PTPRO: variants seen among roughly 807,000 people sequenced by gnomAD.
PTPRO encodes the protein receptor-type tyrosine-protein phosphatase O.
A neutral mutation model predicts 145.2 loss-of-function variants in PTPRO; 62 were observed. The observed-to-expected ratio is 0.43, with a 90% CI of 0.35 to 0.53. The LOEUF is 0.53. PTPRO is among the 20% of genes least tolerant of loss of function. PTPRO has a pLI of 0.01. For missense variants in PTPRO, 1,345 were observed against 1,482.7 expected, an observed-to-expected ratio of 0.91 and a Z score of 1.53; for synonymous variants, 565 against 514.7, an observed-to-expected ratio of 1.10 and a Z score of -1.32.
At chr12:15,578,673 T>C (rs888197548) in intron 19 of PTPRO, among the ~76,000 whole-genome samples, 180 bp from the exon 20 acceptor site, 3 of 152,176 alleles carry the variant, frequency 2.0e-5, no homozygotes, top group African/African-American at 7.2e-5. Flanking sequence ...GTGGACTTGA[T>C]TTCTATCTAA....
Position 15,509,686 on chromosome 12 carries a change from CAAAAAAAAAGAA to C in PTPRO, c.1464+929_1464+940del, listed in dbSNP as rs1489652231. Among the ~76,000 whole-genome samples, 10 of 131,010 alleles carry C rather than the reference CAAAAAAAAAGAA, an allele frequency of 7.6e-5. No individual in the cohort carries two copies. In the South Asian group the frequency reaches 1.3e-3, roughly 17 times the overall value. 85.9% of individuals were successfully genotyped at this position (131,010 alleles called of 152,430 possible). A position where few individuals can be genotyped will look rare whatever the true frequency, so the allele number is the denominator to read the frequency against. On this transcript the variant is annotated intron_variant, in intron 7 of 26. Coordinates refer to ENST00000281171, the MANE Select transcript of PTPRO (RefSeq NM_030667.3). ...TGGGCAACAGAGTGAGACTCCGTCT[CAAAAAAAAAGAA>C]AAAAAAAAAAGAATATAAAGTAAAA...
intron 1 of PTPRO, among the ~76,000 whole-genome samples, chr12:15,428,026 G>A (rs1412093579): frequency 6.6e-6 from 1 of 152,082 alleles, no homozygotes; most frequent in Non-Finnish European, 1.5e-5. Context: ...ATGAAAGGCT[G>A]GTTTTGCAGC....
Position 15,521,166 on chromosome 12 carries a change from GAATAATTTTGGCA to G in PTPRO, c.1891+859_1891+871del, listed in dbSNP as rs1826823526. ...CAGAGGAGAAAAATACCGCTTAGAG[GAATAATTTTGGCA>G]AATAGTTTCCTCAGTAGACATCTAG... On this transcript the variant is annotated intron_variant, in intron 10 of 26. Transcript: ENST00000281171. 4.0e-5 allele frequency among the ~76,000 whole-genome samples: 6 copies of G among 151,782 alleles called. No individual in the cohort carries two copies. The South Asian group carries it at 1.2e-3, about 32-fold the overall frequency.
chr12:15,492,216 A>G (rs1020519439), intron 2 of PTPRO, among the ~76,000 whole-genome samples: 1 of 152,194 alleles, frequency 6.6e-6, no homozygotes, highest in Non-Finnish European at 1.5e-5. Context: ...GGGAGATGAA[A>G]AAGCATCAAA....
At chr12:15,357,470 A>T (rs905260815) in intron 1 of PTPRO, among the ~76,000 whole-genome samples, 1 of 152,234 alleles carries the variant, frequency 6.6e-6, no homozygotes, top group African/African-American at 2.4e-5. Context: ...TGTGTAAAGG[A>T]AAGTGGAACA....
At chr12:15,527,483 A>G (rs1386798042) in intron 12 of PTPRO, among the ~76,000 whole-genome samples, 2 of 152,200 alleles carry the variant, frequency 1.3e-5, no homozygotes, top group Non-Finnish European at 1.5e-5. Context: ...AGATGGAACT[A>G]CCATTCCCAG....
chr12:15,343,917 C>T (rs1296205679), intron 1 of PTPRO, among the ~76,000 whole-genome samples: 1 of 152,128 alleles, frequency 6.6e-6, no homozygotes, highest in African/African-American at 2.4e-5. Flanking sequence ...ATCTCCTGAC[C>T]TCGTGATCCG....
intron 1 of PTPRO, among the ~76,000 whole-genome samples, chr12:15,361,049 A>G (rs1331939384): frequency 6.6e-6 from 1 of 151,484 alleles, no homozygotes; most frequent in Non-Finnish European, 1.5e-5. Flanking sequence ...ATATACAAAT[A>G]TAAGAGAAAA....
Position 15,322,771 on chromosome 12 carries a change from G to C in PTPRO, c.45G>C (p.Leu15=), listed in dbSNP as rs1455747948. 9.9e-6 allele frequency: 16 copies of C among 1,612,948 alleles called. No individual in the cohort carries two copies. Among genetic ancestry groups the C allele is most frequent in the Non-Finnish European group, 1.4e-5 (16 of 1,179,576 alleles). The part of the protein sequence containing the change: ...PTGIHGARRL[L]PLLWLFVLFK... ...GGATACACGGCGCCCGCCGCCTCCT[G>C]CCTCTGCTCTGGCTCTTTGTGCTGT... Residue 15 remains leucine, a synonymous_variant, in exon 1 of 27, where the codon CTG becomes CTC. Coordinates refer to ENST00000281171, the MANE Select transcript of PTPRO (RefSeq NM_030667.3). The surrounding 1 kb of genome is among the most constrained non-coding windows in gnomAD (Gnocchi z 6.3).
chr12:15,416,624 C>A (rs1227164400), intron 1 of PTPRO, among the ~76,000 whole-genome samples: 3 of 151,450 alleles, frequency 2.0e-5, no homozygotes, highest in African/African-American at 7.3e-5. Flanking sequence ...CAGCCGGTTC[C>A]TCTCTCTTAA....
chr12:15,552,723 G>A (rs1234737438), intron 15 of PTPRO, among the ~76,000 whole-genome samples: 1 of 150,914 alleles, frequency 6.6e-6, no homozygotes, highest in Non-Finnish European at 1.5e-5. Flanking sequence ...ATCTTAAAAG[G>A]ATAAGAAGAG....
intron 24 of PTPRO, chr12:15,587,261 C>T (rs1944449301): frequency 1.7e-6 from 1 of 593,952 alleles, no homozygotes; most frequent in Non-Finnish European, 2.9e-6. Context: ...GTTATTATTC[C>T]AATTTTTAAA....
chr12:15,548,830 T>G (rs969443748), intron 13 of PTPRO, among the ~76,000 whole-genome samples: 7 of 152,154 alleles, frequency 4.6e-5, no homozygotes, highest in Admixed American at 6.5e-5. Flanking sequence ...TTATGTTTTT[T>G]AACTGTGTCA....
At chr12:15,323,313 A>T (rs1866355713) in intron 1 of PTPRO, among the ~76,000 whole-genome samples, 1 of 152,190 alleles carries the variant, frequency 6.6e-6, no homozygotes, top group African/African-American at 2.4e-5. Flanking sequence ...AAGGAGTGTC[A>T]GGTAGAGAGC....
intron 1 of PTPRO, among the ~76,000 whole-genome samples, chr12:15,341,768 C>T (rs1866996576): frequency 6.6e-6 from 1 of 152,030 alleles, no homozygotes; most frequent in South Asian, 2.1e-4. Flanking sequence ...AAGAGAAAAC[C>T]AAGTACCTGA....
At chr12:15,531,839 A>G (rs1194953376) in intron 12 of PTPRO, among the ~76,000 whole-genome samples, 1 of 152,200 alleles carries the variant, frequency 6.6e-6, no homozygotes, top group Non-Finnish European at 1.5e-5. Context: ...CAATTTAGTG[A>G]CATCATTTTT....
intron 17 of PTPRO, among the ~76,000 whole-genome samples, chr12:15,562,077 G>A (rs1187577014): frequency 1.3e-5 from 2 of 152,100 alleles, no homozygotes; most frequent in Non-Finnish European, 2.9e-5. Flanking sequence ...CTCCAGTTGA[G>A]AAGAGAAGGT....
At position 15,444,996 on chromosome 12, in the gene PTPRO, T is replaced by A. The variant is rs1215632290; in HGVS notation, c.76-38978T>A. 2.0e-5 allele frequency among the ~76,000 whole-genome samples: 3 copies of A among 152,112 alleles called. No individual in the cohort carries two copies. The East Asian group carries it at 5.8e-4, about 29-fold the overall frequency. Reference sequence around the variant, plus strand: ...GTTCTATAATTAGCAACCACAATAATGTTTCAAGTACCCAAAAAATGTCAT... The same window carrying A: ...GTTCTATAATTAGCAACCACAATAAAGTTTCAAGTACCCAAAAAATGTCAT... On this transcript the variant is annotated intron_variant, in intron 1 of 26. Coordinates refer to ENST00000281171, the MANE Select transcript of PTPRO (RefSeq NM_030667.3).
chr12:15,513,150 A>T (rs866451700), intron 7 of PTPRO, among the ~76,000 whole-genome samples: 7,555 of 38,668 alleles, frequency 0.2, 1,095 homozygotes, highest in Admixed American at 0.32. Flanking sequence ...GAAGAAAGAA[A>T]GAAAGAAAAA....
Sources: allele counts gnomAD v4.1 joint callset (sites outside exome capture counted in the v4.1 genomes callset), GRCh38; gene constraint gnomAD v4.1.1; non-coding constraint Gnocchi (gnomAD v3.1); transcripts MANE v1.5; gene names NCBI Gene and HGNC (gene_info 2026-07-23, HGNC 2026-07-21).